SLC17A1: variants seen among roughly 807,000 people sequenced by gnomAD.
SLC17A1 encodes sodium-dependent phosphate transport protein 1.
In SLC17A1, 51 loss-of-function variants were observed where a neutral mutation model predicts 53.5. The observed-to-expected ratio is 0.95, with a 90% CI of 0.76 to 1.20. SLC17A1 has a LOEUF of 1.20. SLC17A1 is among the 50% of genes most tolerant of loss of function. The pLI is 0.00. For missense variants in SLC17A1, 538 were observed against 568.2 expected (o/e 0.95, Z 0.54); for synonymous variants, 179 against 198.8 (o/e 0.90, Z 0.84).
Position 25,811,733 on chromosome 6 carries a change from C to T in SLC17A1, c.935G>A (p.Trp312Ter), listed in dbSNP as rs1249043582. ...CTGACCTGCTAGGTTACCACAGATCCAGGCAAACAAATAGGGAAGGGAAGA... is the reference window on the plus strand; with the variant it reads ...CTGACCTGCTAGGTTACCACAGATCTAGGCAAACAAATAGGGAAGGGAAGA... ...FLSSLPYLFA[W>*]ICGNLAGQLS... Residue 312 changes from tryptophan to a stop codon, truncating the protein, a stop_gained, in exon 9 of 13, where the codon TGG becomes TAG. Transcript: ENST00000244527. LOFTEE classifies it high-confidence loss of function. 1 of 1,613,660 alleles carries T rather than the reference C, an allele frequency of 6.2e-7. No individual in the cohort carries two copies. Among genetic ancestry groups the T allele is most frequent in the Non-Finnish European group, 8.5e-7 (1 of 1,179,768 alleles).
At chr6:25,810,542 A>C (rs1322021790) in intron 10 of SLC17A1, among the ~76,000 whole-genome samples, 1 of 152,082 alleles carries the variant, frequency 6.6e-6, no homozygotes, top group Non-Finnish European at 1.5e-5. Flanking sequence ...TCAAATTAAA[A>C]CCACAATGAG....
In SLC17A1 at chr6:25,811,684, C is replaced by G; in HGVS notation, c.984G>C (p.Arg328Ser). ...GGACAGCAATTACGCTGAGAATATTCCTGGTCAGGAAGAAGTCTGATAACT... is the reference window on the plus strand; with the variant it reads ...GGACAGCAATTACGCTGAGAATATTGCTGGTCAGGAAGAAGTCTGATAACT... ...AGQLSDFFLT[R>S]NILSVIAVRK... Residue 328 changes from arginine to serine, a missense_variant, in exon 9 of 13, where the codon AGG becomes AGC. Arg to Ser is a moderately radical substitution (Grantham distance 110). Transcript: ENST00000244527. The G allele has an allele frequency of 1.2e-6, 2 of 1,613,926 alleles. No individual in the cohort carries two copies. Among genetic ancestry groups the G allele is most frequent in the Middle Eastern group, 1.7e-4 (1 of 6,058 alleles).
rs1764212057 is a variant in SLC17A1 at position 25,812,985 on chromosome 6, G to A, written c.743C>T (p.Ser248Leu). The A allele has an allele frequency of 6.2e-7, 1 of 1,613,832 alleles. No homozygotes were observed. Among genetic ancestry groups the A allele is most frequent in the Non-Finnish European group, 8.5e-7 (1 of 1,179,874 alleles). The change falls in exon 8 of 13, where the codon TCA becomes TTA. Residue 248 changes from serine to leucine, a missense_variant. Physicochemically the swap from Ser to Leu is moderately radical, Grantham distance 145. Coordinates refer to ENST00000244527, the MANE Select transcript of SLC17A1 (RefSeq NM_005074.5). ...ITSSLVQQVS[S>L]SRQSLPIKAI... The stretch of plus-strand genomic sequence containing the variant: ...CTTGATAGGCAGAGATTGTCTACTT[G>A]AACTGACCTGGAGAGAAATTCATTA...
intron 3 of SLC17A1, among the ~76,000 whole-genome samples, chr6:25,824,044 C>T: frequency 6.6e-6 from 1 of 151,702 alleles, no homozygotes; most frequent in East Asian, 1.9e-4. Context: ...ATTGTACATC[C>T]ATATGTAAAA....
intron 3 of SLC17A1, among the ~76,000 whole-genome samples, chr6:25,822,019 A>G (rs897564154): frequency 2.6e-5 from 4 of 152,226 alleles, no homozygotes; most frequent in Non-Finnish European, 4.4e-5. Context: ...ATAAAAGAAT[A>G]TATACTTTAA....
At chr6:25,789,691 A>G (rs1763459654) in intron 12 of SLC17A1, among the ~76,000 whole-genome samples, 1 of 151,756 alleles carries the variant, frequency 6.6e-6, no homozygotes, top group African/African-American at 2.4e-5. Flanking sequence ...GGGAACTTCT[A>G]CAAAATAACT....
chr6:25,752,384 G>T, the SLC17A1 span, among the ~76,000 whole-genome samples: 1 of 152,168 alleles, frequency 6.6e-6, no homozygotes. Context: ...GTATGTCTAG[G>T]AGACTTATCA....
chr6:25,740,937 T>C, the SLC17A1 span, among the ~76,000 whole-genome samples: 6 of 152,172 alleles, frequency 3.9e-5, no homozygotes, highest in Non-Finnish European at 5.9e-5. Context: ...AAATATCACA[T>C]GTTCTCAGTC....
At chr6:25,742,158 A>G in the SLC17A1 span, among the ~76,000 whole-genome samples, 1 of 152,188 alleles carries the variant, frequency 6.6e-6, no homozygotes, top group Admixed American at 6.5e-5. Flanking sequence ...AGGTTAAAAG[A>G]ATCATCCGGC....
chr6:25,727,169 G>A, the SLC17A1 span: 3 of 1,614,208 alleles, frequency 1.9e-6, no homozygotes, highest in South Asian at 1.1e-5. Flanking sequence ...ACTACAGCAA[G>A]CGCTCCACCA....
At chr6:25,748,254 G>A in the SLC17A1 span, among the ~76,000 whole-genome samples, 1 of 152,128 alleles carries the variant, frequency 6.6e-6, no homozygotes, top group South Asian at 2.1e-4. Flanking sequence ...GGCAGGGTTA[G>A]CTGAGGTGAA....
chr6:25,743,499 A>T, the SLC17A1 span, among the ~76,000 whole-genome samples: 1 of 152,226 alleles, frequency 6.6e-6, no homozygotes, highest in Admixed American at 6.5e-5. Flanking sequence ...TAATTCTGTG[A>T]GTTAGTGTTA....
intron 10 of SLC17A1, among the ~76,000 whole-genome samples, chr6:25,809,563 T>G (rs898053991): frequency 2.0e-5 from 3 of 152,000 alleles, no homozygotes; most frequent in Admixed American, 1.3e-4. Flanking sequence ...TAAATTTAAC[T>G]GAATAGGTGA....
At chr6:25,768,956 T>C in the SLC17A1 span, 1 of 1,603,842 alleles carries the variant, frequency 6.2e-7, no homozygotes, top group Admixed American at 1.7e-5. Flanking sequence ...GCATTCTGAT[T>C]GTGATTTTTC....
chr6:25,727,283 C>T, the SLC17A1 span: 7 of 1,600,482 alleles, frequency 4.4e-6, no homozygotes, highest in Non-Finnish European at 6.0e-6. Context: ...AGTACACCAG[C>T]TCCAAGTAAG....
At chr6:25,725,307 C>CT in the SLC17A1 span, among the ~76,000 whole-genome samples, 5 of 152,104 alleles carry the variant, frequency 3.3e-5, no homozygotes, top group African/African-American at 7.2e-5. Flanking sequence ...CGTAAGGCTT[C>CT]TTTTTGACAT....
Position 25,813,185 on chromosome 6 carries a change from G to A in SLC17A1, c.645C>T (p.Leu215=), listed in dbSNP as rs1237751595. The A allele has an allele frequency of 6.2e-7, 1 of 1,614,068 alleles. No homozygotes were observed. The highest frequency in any genetic ancestry group is 8.5e-7 in the Non-Finnish European group (1 of 1,180,024). The change falls in exon 7 of 13, where the codon CTC becomes CTT. Residue 215 remains leucine, a synonymous_variant. Coordinates refer to ENST00000244527, the MANE Select transcript of SLC17A1 (RefSeq NM_005074.5). ...GGTCATCATAAAACAGAACGAACCA[G>A]AGAAGACATACGGCACAGCCACAAG... The part of the protein sequence containing the change: ...FGACGCAVCL[L]WFVLFYDDPK...
chr6:25,766,499 C>T, the SLC17A1 span, among the ~76,000 whole-genome samples: 1 of 151,960 alleles, frequency 6.6e-6, no homozygotes, highest in Non-Finnish European at 1.5e-5. Context: ...TTAATTCATA[C>T]AAAAAATTAA....
intron 6 of SLC17A1, among the ~76,000 whole-genome samples, chr6:25,818,838 G>A (rs1281834088): frequency 2.0e-5 from 3 of 151,920 alleles, no homozygotes; most frequent in Admixed American, 6.6e-5. Context: ...CATCTATATC[G>A]CCTACATTAT....
Sources: gnomAD v4.1 joint callset for allele counts (sites outside exome capture counted in the v4.1 genomes callset) on GRCh38, gnomAD v4.1.1 for gene constraint, MANE v1.5 for transcripts, NCBI Gene and HGNC (gene_info 2026-07-23, HGNC 2026-07-21) for gene names.